CEL: variants seen among roughly 807,000 people sequenced by gnomAD.
CEL encodes carboxyl ester lipase.
A neutral mutation model predicts 57.1 loss-of-function variants in CEL; 39 were observed. The ratio of observed to expected loss-of-function variants is 0.68; its 90% CI spans 0.53 to 0.89. The LOEUF (loss-of-function observed/expected upper bound fraction) is 0.89, where lower values mean the gene tolerates loss of function less well. Ranked by LOEUF, CEL falls within the 40% of genes least tolerant of loss-of-function variation. CEL has a pLI of 0.00. For missense variants in CEL, 698 were observed against 915.0 expected, an observed-to-expected ratio of 0.76 and a Z score of 3.06; for synonymous variants, 314 against 396.6, an observed-to-expected ratio of 0.79 and a Z score of 2.48.
chr9:133,070,993 C>T lies in CEL; in HGVS notation c.1491C>T (p.Pro497=). Residue 497 remains proline (P), a synonymous_variant, in exon 11 of 11, where the codon CCC becomes CCT. Transcript: ENST00000372080. ...YWTNFAKTGD[P]NMGDSAVPTH... ...GCCTCTTCTCACTCTGCAGGGACCCCAACATGGGCGACTCGGCTGTGCCCA... is the reference window on the plus strand; with the variant it reads ...GCCTCTTCTCACTCTGCAGGGACCCTAACATGGGCGACTCGGCTGTGCCCA... 6.2e-7 allele frequency: 1 copy of T among 1,613,622 alleles called. No individual in the cohort carries two copies. The highest frequency in any genetic ancestry group is 2.2e-5 in the East Asian group (1 of 44,846).
rs182508584 is a variant in CEL, at chr9:133,065,287, C to T, written c.538+50C>T. On this transcript the variant is annotated intron_variant, in intron 4 of 10. Coordinates refer to ENST00000372080, the MANE Select transcript of CEL (RefSeq NM_001807.6). ...GGTGGGGCGACCAGCATGCTGAGCC[C>T]AGCAGGGAGATTTTCCTCAGCACCC... 3 of 1,596,658 alleles carry T rather than the reference C, an allele frequency of 1.9e-6. No individual in the cohort carries two copies. The East Asian group carries it at 6.7e-5, about 36-fold the overall frequency.
At position 133,061,987 on chromosome 9, in the gene CEL, GA is replaced by G. The variant is rs1830097463; in HGVS notation, c.-15del. On this transcript the variant is annotated 5_prime_UTR_variant, in exon 1 of 11. Transcript: ENST00000372080. ...CGAGGCCCAGGGGGAGGGCCACCCAGAGGCTGATGCTCACCATGGGGCGCCT... is the reference window on the plus strand; with the variant it reads ...CGAGGCCCAGGGGGAGGGCCACCCAGGGCTGATGCTCACCATGGGGCGCCT... 6.4e-7 allele frequency: 1 copy of G among 1,550,808 alleles called. No homozygotes were observed. The highest frequency in any genetic ancestry group is 1.4e-5 in the African/African-American group (1 of 72,996).
chr9:133,066,628 G>A lies in CEL; in HGVS notation c.637G>A (p.Glu213Lys). ...CCCCAACAACATCACGCTCTTCGGG[G>A]AGTCTGCTGGAGGTGCCAGCGTCTC... is the stretch of plus-strand genomic sequence containing the variant. ...GDPNNITLFG[E>K]SAGGASVSLQ... Residue 213 changes from glutamate (E) to lysine (K), a missense_variant, in exon 5 of 11, where the codon GAG (glutamate) becomes AAG (lysine). This residue lies in a region of CEL where 327 missense variants were observed against 374.1 expected (regional missense o/e 0.87). Coordinates refer to ENST00000372080, the MANE Select transcript of CEL (RefSeq NM_001807.6). The surrounding 1 kb of genome is among the most constrained non-coding windows in gnomAD (Gnocchi z 4.3). The A allele has an allele frequency of 6.2e-7, 1 of 1,613,734 alleles. No homozygotes were observed. The highest frequency in any genetic ancestry group is 8.5e-7 in the Non-Finnish European group (1 of 1,179,984).
intron 7 of CEL, among the ~76,000 whole-genome samples, chr9:133,068,285 GT>G (rs1180912592): frequency 6.6e-6 from 1 of 152,138 alleles, no homozygotes; most frequent in African/African-American, 2.4e-5. Context: ...TTCTCCATCA[GT>G]TCCCTCAGTG....
rs1443569974 is a variant in CEL at position 133,066,783 on chromosome 9, G to T, written c.670-55G>T. On this transcript the variant is annotated intron_variant, in intron 5 of 10. Transcript: ENST00000372080. This position sits in a 1 kb window ranked among gnomAD's most constrained non-coding sequence, Gnocchi z 4.3. ...GGTGCTGGGGTGTCCTTGTCCCAGC[G>T]TGGGGTGGGCAGAGTGGGGAGCGGC... The T allele has an allele frequency of 6.2e-7, 1 of 1,606,332 alleles. No homozygotes were observed. The highest frequency in any genetic ancestry group is 1.3e-5 in the African/African-American group (1 of 74,666).
Position 133,071,087 on chromosome 9 carries a change from T to A in CEL, c.1585T>A (p.Ser529Thr). The A allele has an allele frequency of 6.2e-7, 1 of 1,611,686 alleles. No homozygotes were observed. Among genetic ancestry groups the A allele is most frequent in the Non-Finnish European group, 8.5e-7 (1 of 1,179,662 alleles). Residue 529 changes from serine to threonine, a missense_variant, in exon 11 of 11, where the codon TCC becomes ACC. By Grantham distance (58) the Ser-to-Thr change is moderately conservative. Coordinates refer to ENST00000372080, the MANE Select transcript of CEL (RefSeq NM_001807.6). ...GATCACCAAGAAGATGGGCAGCAGC[T>A]CCATGAAGCGGAGCCTGAGAACCAA... ...LEITKKMGSS[S>T]MKRSLRTNFL...
Position 133,066,975 on chromosome 9 carries a change from G to GGGGGT in CEL, c.777+30_777+31insGGGGT. 1.4e-6 allele frequency: 2 copies of GGGGGT among 1,467,674 alleles called. No individual in the cohort carries two copies. Among genetic ancestry groups the GGGGGT allele is most frequent in the Non-Finnish European group, 1.9e-6 (2 of 1,046,850 alleles). The allele number at this position is 1,467,674 out of a possible 1,614,324, so 90.9% of individuals were successfully genotyped here. A position where few individuals can be genotyped will look rare whatever the true frequency, so the allele number is the denominator to read the frequency against. ...ACGGAGGAGGGCAGGGCTGGGCGGG[G>GGGGGT]TGGGGGCTGTCCACATTTCCGTTCT... is the stretch of plus-strand genomic sequence containing the variant. On this transcript the variant is annotated intron_variant, in intron 6 of 10. Transcript: ENST00000372080. The surrounding 1 kb of genome is among the most constrained non-coding windows in gnomAD (Gnocchi z 4.3).
chr9:133,064,840 G>T, intron 3 of CEL, 78 bp downstream of exon 3: 2 of 1,604,768 alleles, frequency 1.2e-6, no homozygotes, highest in African/African-American at 1.3e-5. Flanking sequence ...TGAGTCTGGG[G>T]GCTGCAAAGC....
chr9:133,065,846 C>CAAAAA (rs34365056), intron 4 of CEL, among the ~76,000 whole-genome samples: 1 of 75,820 alleles, frequency 1.3e-5, no homozygotes, highest in Admixed American at 1.6e-4. Context: ...AACTCTGTCT[C>CAAAAA]AAAAAAAAAA....
rs8193019 is a variant in CEL, at chr9:133,064,589, G to A, written c.217+35G>A. On this transcript the variant is annotated intron_variant, in intron 2 of 10. Coordinates refer to ENST00000372080, the MANE Select transcript of CEL (RefSeq NM_001807.6). ...GGTGGTGCCGGACTGGCCCTGCGGC[G>A]GGGCGGGTGAGGGCGGCTGCCTTCC... The A allele has an allele frequency of 0.015, 24,441 of 1,613,522 alleles. 11 individuals are homozygous for A. Among genetic ancestry groups the A allele is most frequent in the East Asian group, 0.043 (1,906 of 44,826 alleles).
At position 133,066,671 on chromosome 9, in the gene CEL, C is replaced by T; in HGVS notation, c.669+11C>T. ...AGCGTCTCTCTGCAGGTCTCGGGAT[C>T]CCTGTGGGGAGGGCCTGCCCCACAG... is the stretch of plus-strand genomic sequence containing the variant. On this transcript the variant is annotated intron_variant, in intron 5 of 10. Transcript: ENST00000372080. The surrounding 1 kb of genome is among the most constrained non-coding windows in gnomAD (Gnocchi z 4.3). 2 of 1,612,224 alleles carry T rather than the reference C, an allele frequency of 1.2e-6. No homozygotes were observed. The highest frequency in any genetic ancestry group is 1.1e-5 in the South Asian group (1 of 91,058).
At chr9:133,064,977 G>A in intron 3 of CEL, 63 bp from the exon 4 acceptor site, 1 of 1,600,470 alleles carries the variant, frequency 6.2e-7, no homozygotes, top group Admixed American at 1.7e-5. Flanking sequence ...ACAGGGACAG[G>A]GGACCGGCTG....
intron 7 of CEL, 136 bp downstream of exon 7, chr9:133,067,341 C>T (rs1830197512): frequency 3.8e-6 from 3 of 786,980 alleles, no homozygotes; most frequent in South Asian, 2.9e-5. Context: ...TGGTGTCTCC[C>T]CTCGAAGGCC....
At chr9:133,068,248 GA>G (rs1251597525) in intron 7 of CEL, among the ~76,000 whole-genome samples, 1 of 152,154 alleles carries the variant, frequency 6.6e-6, no homozygotes. Flanking sequence ...TGATGGACTG[GA>G]ACCCAGCCCT....
intron 1 of CEL, among the ~76,000 whole-genome samples, chr9:133,063,786 G>A (rs1360021949): frequency 6.6e-6 from 1 of 152,144 alleles, no homozygotes; most frequent in Non-Finnish European, 1.5e-5. Flanking sequence ...CGTGGCGGGG[G>A]TGGGAGGTGT....
In CEL at chr9:133,067,012, C is replaced by G. The variant is rs1171629168; in HGVS notation, c.777+67C>G. The stretch of plus-strand genomic sequence containing the variant: ...CACATTTCCGTTCTTTATCCTGGAC[C>G]CCATCCTTGCCTTCAAATGGTTCTG... On this transcript the variant is annotated intron_variant, in intron 6 of 10. Transcript: ENST00000372080. 1.4e-4 allele frequency: 220 copies of G among 1,603,422 alleles called. No individual in the cohort carries two copies. The East Asian group carries it at 4.8e-3, about 35-fold the overall frequency.
intron 7 of CEL, 147 bp from the exon 8 acceptor site, chr9:133,068,525 C>G (rs1051652114): frequency 1.2e-5 from 9 of 768,544 alleles, no homozygotes; most frequent in Non-Finnish European, 1.9e-5. Context: ...ACAGGATGCC[C>G]CTGATGGTGC....
At position 133,070,453 on chromosome 9, in the gene CEL, C is replaced by T; in HGVS notation, c.1287-8C>T. Reference sequence around the variant, plus strand: ...ACCCTGCCTACTTGGGTGGTCTCTCCCCTCCAGGAGTGCCAAGACCTACGC... The same window carrying T: ...ACCCTGCCTACTTGGGTGGTCTCTCTCCTCCAGGAGTGCCAAGACCTACGC... On this transcript the variant is annotated splice_region_variant and splice_polypyrimidine_tract_variant and intron_variant, in intron 9 of 10. Transcript: ENST00000372080. 9.3e-6 allele frequency: 15 copies of T among 1,611,854 alleles called. No homozygotes were observed. The highest frequency in any genetic ancestry group is 1.3e-5 in the Non-Finnish European group (15 of 1,178,992).
intron 9 of CEL, among the ~76,000 whole-genome samples, chr9:133,069,893 C>G (rs1243822879): frequency 6.6e-6 from 1 of 151,964 alleles, no homozygotes; most frequent in Non-Finnish European, 1.5e-5. Flanking sequence ...ATTGATTGAC[C>G]CAGGGAGGTG....
Sources: allele counts gnomAD v4.1 joint callset (sites outside exome capture counted in the v4.1 genomes callset), GRCh38; gene constraint gnomAD v4.1.1; regional missense constraint gnomAD v4.1.1; non-coding constraint Gnocchi (gnomAD v3.1); transcripts MANE v1.5; gene names NCBI Gene and HGNC (gene_info 2026-07-23, HGNC 2026-07-21).